PPP1R1A: variants seen among roughly 807,000 people sequenced by gnomAD.
PPP1R1A encodes protein phosphatase 1 regulatory inhibitor subunit 1A.
Under a neutral mutation model 23.9 loss-of-function variants are expected in PPP1R1A, and 18 were observed. The ratio of observed to expected loss-of-function variants is 0.75; its 90% confidence interval spans 0.52 to 1.12. The LOEUF is 1.12. Ranked by LOEUF, PPP1R1A falls within the 50% of genes most tolerant of loss-of-function variation. The probability of loss-of-function intolerance (pLI) is 0.00; values close to 1 mark genes in which losing one functional copy is unlikely to be tolerated. For synonymous variants in PPP1R1A, 84 were observed against 80.7 expected, an observed-to-expected ratio of 1.04 and a Z score of -0.22; for missense variants, 207 against 223.8, an observed-to-expected ratio of 0.92 and a Z score of 0.48.
At position 54,588,412 on chromosome 12, in the gene PPP1R1A, G is replaced by A. The variant is rs1957933498; in HGVS notation, c.77C>T (p.Ala26Val). ...LLEPHLDPEA[A>V]EQIRRRRPTP... ...CCCCGCCCTGCTCCGCACCTGCTCC[G>A]CCGCCTCGGGGTCAAGGTGCGGCTC... Residue 26 changes from alanine to valine, a missense_variant, in exon 1 of 7, where the codon GCG becomes GTG. Coordinates refer to ENST00000257905, the MANE Select transcript of PPP1R1A (RefSeq NM_006741.4). 1 of 1,498,256 alleles carries A rather than the reference G, an allele frequency of 6.7e-7. No homozygotes were observed. The highest frequency in any genetic ancestry group is 8.9e-7 in the Non-Finnish European group (1 of 1,118,840). 92.8% of individuals were successfully genotyped at this position (1,498,256 alleles called of 1,614,324 possible).
chr12:54,587,563 C>T (rs949233989), intron 1 of PPP1R1A, among the ~76,000 whole-genome samples: 4 of 152,222 alleles, frequency 2.6e-5, no homozygotes, highest in African/African-American at 9.6e-5. Flanking sequence ...TGCCAGGCTG[C>T]TCTGAGCTAA....
At chr12:54,582,673 G>A in intron 4 of PPP1R1A, 59 bp downstream of exon 4, 4 of 1,561,868 alleles carry the variant, frequency 2.6e-6, no homozygotes, top group South Asian at 1.1e-5. Context: ...AAGGGCATTC[G>A]GTCTCCTCTT....
chr12:54,580,711 A>G (rs1411033401), intron 6 of PPP1R1A, among the ~76,000 whole-genome samples: 1 of 152,212 alleles, frequency 6.6e-6, no homozygotes. Context: ...CACCCATTCC[A>G]GGAGCCAGAA....
Position 54,588,395 on chromosome 12 carries a change from T to C in PPP1R1A, c.84+10A>G. 6.7e-7 allele frequency: 1 copy of C among 1,492,926 alleles called. No homozygotes were observed. Among genetic ancestry groups the C allele is most frequent in the Non-Finnish European group, 9.0e-7 (1 of 1,115,794 alleles). The allele number at this position is 1,492,926 out of a possible 1,614,324, so 92.5% of individuals were successfully genotyped here. ...GGGCGAGTGCCCTGCCGCCCCGCCC[T>C]GCTCCGCACCTGCTCCGCCGCCTCG... is the stretch of plus-strand genomic sequence containing the variant. On this transcript the variant is annotated intron_variant, in intron 1 of 6. Transcript: ENST00000257905.
In PPP1R1A at chr12:54,582,121, C is replaced by G. The variant is rs769632446; in HGVS notation, c.258G>C (p.Met86Ile). The change falls in exon 5 of 7, where the codon ATG (methionine) becomes ATC (isoleucine). Residue 86 changes from methionine to isoleucine, a missense_variant. Transcript: ENST00000257905. ...GTTGCCCCAGGTGATGTTCAACCAT[C>G]ATCTGGAGCTCTGGGGACACAGAGA... ...RITPTMKELQ[M>I]MVEHHLGQQQ... is the part of the protein sequence containing the mutation. 1 of 1,613,112 alleles carries G rather than the reference C, an allele frequency of 6.2e-7. No individual in the cohort carries two copies. The highest frequency in any genetic ancestry group is 8.5e-7 in the Non-Finnish European group (1 of 1,179,484).
rs753872747 is a variant in PPP1R1A at position 54,581,038 on chromosome 12, C to T, written c.416G>A (p.Cys139Tyr). The T allele has an allele frequency of 1.9e-6, 3 of 1,607,158 alleles. No individual in the cohort carries two copies. In the African/African-American group the frequency reaches 4.0e-5, roughly 22 times the overall value. ...GCCTCTCTCGTGAGTTTTAGGGATGCATTCTGCAGTTTCTGGGGAGGGAAC... is the reference window on the plus strand; with the variant it reads ...GCCTCTCTCGTGAGTTTTAGGGATGTATTCTGCAGTTTCTGGGGAGGGAAC... Reference protein sequence around the residue: ...TSGTAKKTAECIPKTHERGSK... With the variant: ...TSGTAKKTAEYIPKTHERGSK... The change falls in exon 6 of 7, where the codon TGC becomes TAC. Residue 139 changes from cysteine (C) to tyrosine (Y), a missense_variant. Coordinates refer to ENST00000257905, the MANE Select transcript of PPP1R1A (RefSeq NM_006741.4). This position sits in a 1 kb window ranked among gnomAD's most constrained non-coding sequence, Gnocchi z 4.1.
At chr12:54,586,883 C>T (rs1957916807) in intron 1 of PPP1R1A, among the ~76,000 whole-genome samples, 1 of 152,180 alleles carries the variant, frequency 6.6e-6, no homozygotes, top group Non-Finnish European at 1.5e-5. Flanking sequence ...GAACTGCATC[C>T]CCAACCTCCA....
At chr12:54,585,291 C>T (rs1331639614) in intron 1 of PPP1R1A, among the ~76,000 whole-genome samples, 2 of 152,180 alleles carry the variant, frequency 1.3e-5, no homozygotes, top group East Asian at 1.9e-4. Context: ...CTGGTCAGGG[C>T]CCAAAGCGTA....
Position 54,579,792 on chromosome 12 carries a change from G to A in PPP1R1A, c.*595C>T. 2.0e-6 allele frequency: 2 copies of A among 985,698 alleles called. No individual in the cohort carries two copies. The highest frequency in any genetic ancestry group is 2.4e-6 in the Non-Finnish European group (2 of 830,124). The allele number at this position is 985,698 out of a possible 1,614,324, so 61.1% of individuals were successfully genotyped here. A position where few individuals can be genotyped will look rare whatever the true frequency, so the allele number is the denominator to read the frequency against. On this transcript the variant is annotated 3_prime_UTR_variant, in exon 7 of 7. Transcript: ENST00000257905. The stretch of plus-strand genomic sequence containing the variant: ...TGAAGCTTGGGAATCCAAAAGGAAG[G>A]CAGCTGGGGCTTGGAGGGCAGGCGA...
intron 1 of PPP1R1A, among the ~76,000 whole-genome samples, chr12:54,584,742 A>C (rs918847662): frequency 3.2e-4 from 48 of 152,058 alleles, no homozygotes; most frequent in African/African-American, 1.2e-3. Context: ...AAGTTGAAAA[A>C]AAAATGCCAT....
Position 54,581,895 on chromosome 12 carries a change from C to A in PPP1R1A, c.403+81G>T. On this transcript the variant is annotated intron_variant, in intron 5 of 6. Coordinates refer to ENST00000257905, the MANE Select transcript of PPP1R1A (RefSeq NM_006741.4). The surrounding 1 kb of genome is among the most constrained non-coding windows in gnomAD (Gnocchi z 4.1). ...GGCCTCTCCCAGGCTCCAACTCTTT[C>A]CCCTCCCCGCAGTGGGTAAGGCTTG... 1 of 1,487,624 alleles carries A rather than the reference C, an allele frequency of 6.7e-7. No homozygotes were observed. The highest frequency in any genetic ancestry group is 9.0e-7 in the Non-Finnish European group (1 of 1,111,344). 92.2% of individuals were successfully genotyped at this position (1,487,624 alleles called of 1,614,324 possible).
chr12:54,581,950 T>C lies in PPP1R1A; in HGVS notation c.403+26A>G, dbSNP rs182840220. ...CTGCTGGGCTGGGAAATAGGATGCCTGGGGCCCTCCCCAGCCTGAACATAC... is the reference window on the plus strand; with the variant it reads ...CTGCTGGGCTGGGAAATAGGATGCCCGGGGCCCTCCCCAGCCTGAACATAC... On this transcript the variant is annotated intron_variant, in intron 5 of 6. Transcript: ENST00000257905. The surrounding 1 kb of genome is among the most constrained non-coding windows in gnomAD (Gnocchi z 4.1). The C allele has an allele frequency of 1.9e-6, 3 of 1,592,428 alleles. No individual in the cohort carries two copies. The highest frequency in any genetic ancestry group is 1.3e-5 in the African/African-American group (1 of 74,526).
At position 54,582,749 on chromosome 12, in the gene PPP1R1A, A is replaced by T; in HGVS notation, c.230T>A (p.Ile77Asn). The change falls in exon 4 of 7, where the codon ATC (isoleucine) becomes AAC (asparagine). Residue 77 changes from isoleucine (I) to asparagine (N), a missense_variant. Ile to Asn is a moderately radical substitution (Grantham distance 149). Coordinates refer to ENST00000257905, the MANE Select transcript of PPP1R1A (RefSeq NM_006741.4). ...TTGCAAACCTTTCATTGTGGGTGTG[A>T]TCCTTGTCATCTTCTTCCGTTGCCG... ...SPRQRKKMTR[I>N]TPTMKELQMM... The T allele has an allele frequency of 6.2e-7, 1 of 1,613,800 alleles. No homozygotes were observed. Among genetic ancestry groups the T allele is most frequent in the Non-Finnish European group, 8.5e-7 (1 of 1,179,890 alleles).
At chr12:54,582,613 C>A in intron 4 of PPP1R1A, 119 bp downstream of exon 4, 1 of 1,234,634 alleles carries the variant, frequency 8.1e-7, no homozygotes, top group Non-Finnish European at 1.2e-6. Context: ...CTCAGTTCGT[C>A]TAGCAACAGT....
intron 3 of PPP1R1A, 71 bp from the exon 4 acceptor site, chr12:54,582,866 G>GC (rs1957870190): frequency 6.9e-7 from 1 of 1,451,200 alleles, no homozygotes. Context: ...TTGCCCTCTA[G>GC]CCCCCCATGC....
chr12:54,585,410 G>T (rs889070464), intron 1 of PPP1R1A, among the ~76,000 whole-genome samples: 2 of 152,072 alleles, frequency 1.3e-5, no homozygotes, highest in African/African-American at 4.8e-5. Context: ...TTGTTCTTTT[G>T]TCACGCTGCC....
In PPP1R1A at chr12:54,582,920, T is replaced by C. The variant is rs1021845361; in HGVS notation, c.184-125A>G. On this transcript the variant is annotated intron_variant, in intron 3 of 6. Coordinates refer to ENST00000257905, the MANE Select transcript of PPP1R1A (RefSeq NM_006741.4). ...TTCCTCCTCTGCCTTGCCAGGCTTTTGGATTGGAGCCTGGGGTAGGTGTGA... is the reference window on the plus strand; with the variant it reads ...TTCCTCCTCTGCCTTGCCAGGCTTTCGGATTGGAGCCTGGGGTAGGTGTGA... 6 of 1,054,102 alleles carry C rather than the reference T, an allele frequency of 5.7e-6. No homozygotes were observed. In the African/African-American group the frequency reaches 8.0e-5, roughly 14 times the overall value. The allele number at this position is 1,054,102 out of a possible 1,614,324, so 65.3% of individuals were successfully genotyped here. A position where few individuals can be genotyped will look rare whatever the true frequency, so the allele number is the denominator to read the frequency against.
At position 54,582,068 on chromosome 12, in the gene PPP1R1A, G is replaced by A. The variant is rs1311772580; in HGVS notation, c.311C>T (p.Ala104Val). ...CTCCTGGGTTCCTGTGCTCTCAGCG[G>A]CCCCCTCAGGTTCCTCTCCTTGCTG... ...QQQQGEEPEGAAESTGTQESR... is the reference protein window; with the variant it reads ...QQQQGEEPEGVAESTGTQESR... Residue 104 changes from alanine (A) to valine (V), a missense_variant, in exon 5 of 7, where the codon GCC becomes GTC. Ala to Val is a moderately conservative substitution (Grantham distance 64, BLOSUM62 0). Coordinates refer to ENST00000257905, the MANE Select transcript of PPP1R1A (RefSeq NM_006741.4). 1.9e-6 allele frequency: 3 copies of A among 1,613,576 alleles called. No individual in the cohort carries two copies. The highest frequency in any genetic ancestry group is 2.7e-5 in the African/African-American group (2 of 74,898).
At chr12:54,584,022 C>T (rs960595047) in intron 2 of PPP1R1A, among the ~76,000 whole-genome samples, 6 of 152,216 alleles carry the variant, frequency 3.9e-5, no homozygotes, top group Non-Finnish European at 7.3e-5. Flanking sequence ...ACTCAGTTGA[C>T]CACCCCAATT....
Sources: allele counts gnomAD v4.1 joint callset (sites outside exome capture counted in the v4.1 genomes callset), GRCh38; gene constraint gnomAD v4.1.1; non-coding constraint Gnocchi (gnomAD v3.1); transcripts MANE v1.5; gene names NCBI Gene and HGNC (gene_info 2026-07-23, HGNC 2026-07-21).